PPP2R2C: variants seen among roughly 807,000 people sequenced by gnomAD.
PPP2R2C encodes the protein protein phosphatase 2, regulatory subunit B, gamma.
PPP2R2C carries 10 observed loss-of-function variants against 45.3 expected under a neutral mutation model. The ratio of observed to expected loss-of-function variants is 0.22; its 90% CI spans 0.14 to 0.37. PPP2R2C has a LOEUF of 0.37. Ranked by LOEUF, PPP2R2C falls within the 10% of genes least tolerant of loss-of-function variation. The pLI is 1.00. For synonymous variants in PPP2R2C, 257 were observed against 245.4 expected (o/e 1.05, Z -0.44); for missense variants, 308 against 619.7 (o/e 0.50, Z 5.34).
upstream of PPP2R2C, among the ~76,000 whole-genome samples, chr4:6,476,621 G>C (rs1156799963): frequency 6.6e-6 from 1 of 152,168 alleles, no homozygotes; most frequent in African/African-American, 2.4e-5. Context: ...ATGCCGTCCA[G>C]GCTACAGTAT....
chr4:6,495,110 G>T (rs970129952), intron 2 of PPP2R2C, among the ~76,000 whole-genome samples: 1 of 152,228 alleles, frequency 6.6e-6, no homozygotes. Flanking sequence ...CATCCAGCCT[G>T]CCCTGCCAAG....
chr4:6,545,575 C>A (rs960506740), intron 1 of PPP2R2C, among the ~76,000 whole-genome samples: 1 of 152,166 alleles, frequency 6.6e-6, no homozygotes, highest in Non-Finnish European at 1.5e-5. Flanking sequence ...GGTCAGGGGG[C>A]CTGGTTCCCA....
intron 4 of PPP2R2C, among the ~76,000 whole-genome samples, chr4:6,374,528 C>T (rs1279183948): frequency 6.6e-6 from 1 of 152,186 alleles, no homozygotes; most frequent in Non-Finnish European, 1.5e-5. Context: ...GGAAAGATCA[C>T]AATTGTCATC....
intron 2 of PPP2R2C, among the ~76,000 whole-genome samples, chr4:6,527,515 G>A (rs1577240450): frequency 1.1e-5 from 1 of 94,260 alleles, no homozygotes; most frequent in South Asian, 4.6e-4. Context: ...CATGTGCCAT[G>A]AGAATACCAT....
intron 1 of PPP2R2C, among the ~76,000 whole-genome samples, chr4:6,550,132 A>G (rs1725135488): frequency 6.6e-6 from 1 of 152,136 alleles, no homozygotes; most frequent in South Asian, 2.1e-4. Flanking sequence ...CACTGCCTGC[A>G]TGACCTTGAG....
chr4:6,440,449 T>G (rs6812869), intron 1 of PPP2R2C, among the ~76,000 whole-genome samples: 108,463 of 152,006 alleles, frequency 0.71, 39,099 homozygotes, highest in African/African-American at 0.74. Context: ...GGGCAGGTGT[T>G]GGGGGCTCTT....
chr4:6,506,808 A>G (rs913804286), intron 2 of PPP2R2C, among the ~76,000 whole-genome samples: 1 of 152,214 alleles, frequency 6.6e-6, no homozygotes, highest in Admixed American at 6.5e-5. Context: ...TGGATGTCCA[A>G]GATGGCTCTT....
At chr4:6,370,919 C>T (rs1714765616) in intron 5 of PPP2R2C, among the ~76,000 whole-genome samples, 1 of 152,246 alleles carries the variant, frequency 6.6e-6, no homozygotes, top group Non-Finnish European at 1.5e-5. Flanking sequence ...CAAAGCAGCT[C>T]AGGTCCCAAT....
At chr4:6,518,805 C>T (rs181152006) in intron 2 of PPP2R2C, among the ~76,000 whole-genome samples, 10 of 151,750 alleles carry the variant, frequency 6.6e-5, no homozygotes, top group African/African-American at 1.7e-4. Context: ...CGCCTGTAGT[C>T]CCAACTACCC....
At chr4:6,338,895 A>G (rs1733214824) in intron 6 of PPP2R2C, among the ~76,000 whole-genome samples, 1 of 152,144 alleles carries the variant, frequency 6.6e-6, no homozygotes, top group Non-Finnish European at 1.5e-5. Flanking sequence ...GTCCTCTCTG[A>G]GCCCAGCTTC....
At chr4:6,348,858 G>A (rs573706254) in intron 5 of PPP2R2C, 261 of 654,994 alleles carry the variant, frequency 4.0e-4, no homozygotes, top group Non-Finnish European at 4.6e-4. Context: ...CTAAATGTGG[G>A]AGCCAATAAA....
intron 1 of PPP2R2C, among the ~76,000 whole-genome samples, chr4:6,395,214 C>T (rs1472754640): frequency 1.3e-5 from 2 of 152,206 alleles, no homozygotes; most frequent in Non-Finnish European, 2.9e-5. Context: ...GCCTGGCTCA[C>T]CCTCTCGCTC....
At chr4:6,355,132 G>A (rs550360448) in intron 5 of PPP2R2C, among the ~76,000 whole-genome samples, 1 of 152,340 alleles carries the variant, frequency 6.6e-6, no homozygotes, top group East Asian at 1.9e-4. Context: ...CGAGGGCAGG[G>A]ACCTGCCTGT....
Position 6,329,111 on chromosome 4 carries a change from G to A in PPP2R2C, c.1052+151C>T. The A allele has an allele frequency of 1.5e-6, 1 of 679,704 alleles. No individual in the cohort carries two copies. Among genetic ancestry groups the A allele is most frequent in the Non-Finnish European group, 2.6e-6 (1 of 387,794 alleles). 42.1% of individuals were successfully genotyped at this position (679,704 alleles called of 1,614,324 possible). A position where few individuals can be genotyped will look rare whatever the true frequency, so the allele number is the denominator to read the frequency against. On this transcript the variant is annotated intron_variant, in intron 8 of 8. Coordinates refer to ENST00000382599, the MANE Select transcript of PPP2R2C (RefSeq NM_020416.4). The surrounding 1 kb of genome is among the most constrained non-coding windows in gnomAD (Gnocchi z 5.8). ...AATCTGAGCGCTGAGAGTTGGACCT[G>A]CTCTGGAAAGCGTGGGCTTCACCCA...
chr4:6,559,328 C>A (rs935177562), intron 1 of PPP2R2C, among the ~76,000 whole-genome samples: 11 of 151,984 alleles, frequency 7.2e-5, no homozygotes, highest in African/African-American at 2.7e-4. Flanking sequence ...GTGTATAGTG[C>A]ATAGTGCCCG....
chr4:6,358,919 T>C (rs187948701), intron 5 of PPP2R2C, among the ~76,000 whole-genome samples: 24 of 152,356 alleles, frequency 1.6e-4, no homozygotes, highest in African/African-American at 5.8e-4. Context: ...AGTTCAACCA[T>C]TGTGGAAAAC....
intron 1 of PPP2R2C, among the ~76,000 whole-genome samples, chr4:6,461,225 G>C (rs1721304601): frequency 1.3e-5 from 2 of 152,222 alleles, no homozygotes; most frequent in South Asian, 4.1e-4. Context: ...CACTGAAGCA[G>C]GGAGAGGGGA....
intron 1 of PPP2R2C, chr4:6,383,049 T>C (rs1027465952): frequency 2.8e-6 from 3 of 1,088,090 alleles, no homozygotes; most frequent in African/African-American, 3.4e-5. Context: ...CCCACCTTGA[T>C]TCTGGGCTTG....
chr4:6,402,918 C>T (rs1236746065), intron 1 of PPP2R2C, among the ~76,000 whole-genome samples: 2 of 152,204 alleles, frequency 1.3e-5, no homozygotes, highest in African/African-American at 4.8e-5. Flanking sequence ...CTCAACTGCC[C>T]GCCCTCTGCA....
Sources: gnomAD v4.1 joint callset for allele counts (sites outside exome capture counted in the v4.1 genomes callset) on GRCh38, gnomAD v4.1.1 for gene constraint, Gnocchi (gnomAD v3.1) non-coding constraint, MANE v1.5 for transcripts, NCBI Gene and HGNC (gene_info 2026-07-23, HGNC 2026-07-21) for gene names.